Variants in RNF14 observed in about 807,000 individuals in gnomAD.
RNF14 encodes the protein E3 ubiquitin-protein ligase RNF14.
A neutral mutation model predicts 52.6 loss-of-function variants in RNF14; 26 were observed. The ratio of observed to expected loss-of-function variants is 0.49; its 90% CI spans 0.36 to 0.69. The LOEUF (loss-of-function observed/expected upper bound fraction) is 0.69. Among genes scored for constraint, RNF14 ranks in the 30% least tolerant of loss-of-function variants. RNF14 has a pLI of 0.00. For synonymous variants in RNF14, 194 were observed against 202.0 expected, an observed-to-expected ratio of 0.96 and a Z score of 0.34; for missense variants, 404 against 560.4, an observed-to-expected ratio of 0.72 and a Z score of 2.82.
rs1188701645 is a variant in RNF14 at position 141,978,801 on chromosome 5, A to G, written c.805A>G (p.Lys269Glu). The change falls in exon 5 of 9, where the codon AAG becomes GAG. Residue 269 changes from lysine (K) to glutamate (E), a missense_variant. Physicochemically the swap from Lys to Glu is moderately conservative, Grantham distance 56. Transcript: ENST00000394520. ...TCAATGCCTCAACTGCCCAGAACCA[A>G]AGTGCCCTTCGGTGGCCACTCCTGG... Reference protein sequence around the residue: ...QVQCLNCPEPKCPSVATPGQV... With the variant: ...QVQCLNCPEPECPSVATPGQV... 1.9e-6 allele frequency: 3 copies of G among 1,613,762 alleles called. No individual in the cohort carries two copies. The highest frequency in any genetic ancestry group is 3.3e-5 in the Admixed American group (2 of 59,996).
upstream of RNF14, chr5:141,956,240 C>G (rs1753181651): frequency 3.7e-6 from 6 of 1,614,100 alleles, no homozygotes; most frequent in Non-Finnish European, 4.2e-6. Context: ...CCGCTGTCCT[C>G]TGCGATCACC....
chr5:141,956,180 C>G (rs1370493779), upstream of RNF14: 1 of 1,614,094 alleles, frequency 6.2e-7, no homozygotes, highest in East Asian at 2.2e-5. Flanking sequence ...TTATCATTGG[C>G]ATCCAAGAGG....
At chr5:141,979,239 T>G (rs199533469) in intron 5 of RNF14, among the ~76,000 whole-genome samples, 1 of 151,860 alleles carries the variant, frequency 6.6e-6, no homozygotes, top group African/African-American at 2.4e-5. Context: ...GGTGGTGTTG[T>G]TGTTGTTGTT....
intron 2 of RNF14, among the ~76,000 whole-genome samples, chr5:141,972,650 G>A (rs1411085946): frequency 1.3e-5 from 2 of 152,070 alleles, no homozygotes; most frequent in Non-Finnish European, 2.9e-5. Context: ...GAGTGCAATG[G>A]TGCAATCTCA....
In RNF14 at chr5:141,987,837, TC is replaced by T; in HGVS notation, c.*49del. 1 of 1,548,952 alleles carries T rather than the reference TC, an allele frequency of 6.5e-7. No homozygotes were observed. The highest frequency in any genetic ancestry group is 2.2e-5 in the East Asian group (1 of 44,594). On this transcript the variant is annotated 3_prime_UTR_variant, in exon 9 of 9. Transcript: ENST00000394520. ...GAAGTGGATTGTTTTTCCCTAATCT[TC>T]CGTCAAGTACACAAAGTAACTTTGC...
At chr5:141,971,167 A>T (rs1324621998) in intron 2 of RNF14, among the ~76,000 whole-genome samples, 1 of 152,180 alleles carries the variant, frequency 6.6e-6, no homozygotes, top group Non-Finnish European at 1.5e-5. Context: ...GTAAATTCTC[A>T]TTGCATATTT....
the RNF14 span, among the ~76,000 whole-genome samples, chr5:141,949,956 A>T: frequency 1.3e-5 from 2 of 152,132 alleles, no homozygotes; most frequent in Non-Finnish European, 2.9e-5. Context: ...ACACAGGAGG[A>T]GTTTAGTAAA....
chr5:141,957,124 G>A (rs538237213), upstream of RNF14: 108 of 1,614,128 alleles, frequency 6.7e-5, no homozygotes, highest in East Asian at 1.8e-3. This position sits in a 1 kb window ranked among gnomAD's most constrained non-coding sequence, Gnocchi z 4.3. Context: ...CTCAGCAAAC[G>A]CAGGGCTATT....
chr5:141,979,415 A>AT (rs1596692716), intron 5 of RNF14, among the ~76,000 whole-genome samples: 2 of 151,784 alleles, frequency 1.3e-5, no homozygotes, highest in African/African-American at 2.4e-5. Flanking sequence ...TGCCCGGCTA[A>AT]TTTTTTTTGT....
At position 141,980,290 on chromosome 5, in the gene RNF14, T is replaced by A; in HGVS notation, c.1002T>A (p.Phe334Leu). ...TGGGTATCTGCTCCAGCTGCAATTTTGCCTTCTGTACTTTGTGCAGGTTGA... is the reference window on the plus strand; with the variant it reads ...TGGGTATCTGCTCCAGCTGCAATTTAGCCTTCTGTACTTTGTGCAGGTTGA... ...CTMGICSSCNFAFCTLCRLTY... is the reference protein window; with the variant it reads ...CTMGICSSCNLAFCTLCRLTY... Residue 334 changes from phenylalanine to leucine, a missense_variant, in exon 6 of 9, where the codon TTT (phenylalanine) becomes TTA (leucine). Coordinates refer to ENST00000394520, the MANE Select transcript of RNF14 (RefSeq NM_004290.5). 1 of 1,614,258 alleles carries A rather than the reference T, an allele frequency of 6.2e-7. No individual in the cohort carries two copies. The highest frequency in any genetic ancestry group is 1.3e-5 in the African/African-American group (1 of 75,070).
chr5:141,957,658 G>C, upstream of RNF14: 1 of 1,614,194 alleles, frequency 6.2e-7, no homozygotes, highest in Non-Finnish European at 8.5e-7. This position sits in a 1 kb window ranked among gnomAD's most constrained non-coding sequence, Gnocchi z 4.3. Flanking sequence ...CACCTGGAAG[G>C]CAGCCCCAGC....
chr5:141,959,096 C>T (rs2126933197), intron 1 of RNF14: 1 of 152,544 alleles, frequency 6.6e-6, no homozygotes, highest in Admixed American at 6.5e-5. Context: ...GTCCATTGTT[C>T]TCTGCATCTG....
chr5:141,976,201 T>C (rs1754235254), intron 4 of RNF14, among the ~76,000 whole-genome samples: 1 of 152,266 alleles, frequency 6.6e-6, no homozygotes, highest in Admixed American at 6.5e-5. Flanking sequence ...TGTCCAGGAA[T>C]ATCAAGACTG....
chr5:141,951,362 G>T, the RNF14 span: 3 of 675,366 alleles, frequency 4.4e-6, no homozygotes, highest in Admixed American at 7.1e-5. Flanking sequence ...GAGGATGGAT[G>T]CTGTCTGCTG....
At chr5:141,969,533 A>T (rs1446080283) in intron 1 of RNF14, 2 of 152,316 alleles carry the variant, frequency 1.3e-5, no homozygotes, top group African/African-American at 4.8e-5. Context: ...CCGCACGCCT[A>T]GTGGCGAGCT....
intron 4 of RNF14, 101 bp from the exon 5 acceptor site, chr5:141,978,202 A>G: frequency 1.0e-6 from 1 of 977,878 alleles, no homozygotes. Flanking sequence ...TGTTAGAATA[A>G]GGGCCTAACT....
upstream of RNF14, among the ~76,000 whole-genome samples, chr5:141,967,457 T>C (rs1165011357): frequency 6.6e-6 from 1 of 152,200 alleles, no homozygotes; most frequent in East Asian, 1.9e-4. Flanking sequence ...TTGTAGTCTT[T>C]TATCCTTCGT....
Position 141,984,953 on chromosome 5 carries a change from C to A in RNF14, c.1367+20C>A. On this transcript the variant is annotated intron_variant, in intron 8 of 8. Transcript: ENST00000394520. ...TAACCGGTATGTATACACAGAATTC[C>A]TCAGGCTCACCAGCAATTTTTGGTA... 6.3e-7 allele frequency: 1 copy of A among 1,597,026 alleles called. No individual in the cohort carries two copies. The highest frequency in any genetic ancestry group is 1.7e-5 in the Admixed American group (1 of 59,404).
the RNF14 span, chr5:141,949,627 A>G: frequency 4.4e-6 from 7 of 1,590,096 alleles, no homozygotes; most frequent in Non-Finnish European, 6.0e-6. Context: ...ACATTCCCAT[A>G]TAGATTCATT....
Sources: gnomAD v4.1 joint callset for allele counts (sites outside exome capture counted in the v4.1 genomes callset) on GRCh38, gnomAD v4.1.1 for gene constraint, Gnocchi (gnomAD v3.1) non-coding constraint, MANE v1.5 for transcripts, NCBI Gene and HGNC (gene_info 2026-07-23, HGNC 2026-07-21) for gene names.